Variants in SPAG16 observed in about 807,000 individuals in gnomAD.
SPAG16 encodes sperm associated antigen 16, also known as sperm-associated antigen 16 protein.
In SPAG16, 86 loss-of-function variants were observed where a neutral mutation model predicts 80.4. That is an observed-to-expected ratio of 1.07 (90% CI 0.90 to 1.28). The LOEUF is 1.28. Ranked by LOEUF, SPAG16 falls within the 50% of genes most tolerant of loss-of-function variation. The probability of loss-of-function intolerance (pLI) is 0.00; values close to 1 mark genes in which losing one functional copy is unlikely to be tolerated. For missense variants in SPAG16, 870 were observed against 765.3 expected (o/e 1.14, Z -1.61); for synonymous variants, 294 against 265.9 (o/e 1.11, Z -1.03).
At chr2:213,472,131 G>A (rs2073113910) in intron 9 of SPAG16, among the ~76,000 whole-genome samples, 1 of 152,136 alleles carries the variant, frequency 6.6e-6, no homozygotes, top group African/African-American at 2.4e-5. Context: ...AGGTGTCTCC[G>A]AAAAAGATTA....
chr2:213,805,085 T>C (rs1347362331), intron 10 of SPAG16, among the ~76,000 whole-genome samples: 1 of 152,174 alleles, frequency 6.6e-6, no homozygotes, highest in Non-Finnish European at 1.5e-5. Context: ...AAAGAGATTG[T>C]CAAATGTATT....
At chr2:214,134,334 G>A (rs1049810067) in intron 14 of SPAG16, among the ~76,000 whole-genome samples, 9 of 152,062 alleles carry the variant, frequency 5.9e-5, no homozygotes, top group African/African-American at 1.9e-4. Flanking sequence ...AAATCCATTA[G>A]GTCTTAATTC....
intron 9 of SPAG16, among the ~76,000 whole-genome samples, chr2:213,468,933 G>C (rs1194911762): frequency 1.3e-5 from 2 of 151,968 alleles, no homozygotes; most frequent in East Asian, 3.9e-4. Flanking sequence ...TGGGAGGCTA[G>C]GCCATCTGGT....
At chr2:214,111,767 T>G (rs2053676766) in intron 14 of SPAG16, among the ~76,000 whole-genome samples, 1 of 152,158 alleles carries the variant, frequency 6.6e-6, no homozygotes, top group Non-Finnish European at 1.5e-5. Context: ...CCATGGAATA[T>G]TCTTCCATTT....
chr2:214,374,958 G>GTAT lies in SPAG16; in HGVS notation c.1721-35181_1721-35179dup, dbSNP rs367854343. Among the ~76,000 whole-genome samples the GTAT allele has an allele frequency of 3.8e-3, 572 of 152,202 alleles. 1 individual carries two copies. The highest frequency in any genetic ancestry group is 0.013 in the African/African-American group (534 of 41,548). The stretch of plus-strand genomic sequence containing the variant: ...CCTCAACTATTCATCTCAGTCCTTA[G>GTAT]TATCTTGTAGAAAGATCACCGTGCT... On this transcript the variant is annotated intron_variant, in intron 15 of 15. Coordinates refer to ENST00000331683, the MANE Select transcript of SPAG16 (RefSeq NM_024532.5).
At chr2:213,873,679 G>A (rs2105996280) in intron 11 of SPAG16, among the ~76,000 whole-genome samples, 1 of 151,872 alleles carries the variant, frequency 6.6e-6, no homozygotes, top group Non-Finnish European at 1.5e-5. Context: ...TTCATATGTT[G>A]TGTTTTTGTT....
At chr2:213,500,926 G>A (rs899117079) in intron 10 of SPAG16, among the ~76,000 whole-genome samples, 1 of 152,094 alleles carries the variant, frequency 6.6e-6, no homozygotes, top group Non-Finnish European at 1.5e-5. Flanking sequence ...AACTGTGTAG[G>A]TCATGAGTAA....
chr2:213,983,555 G>T (rs984428189), intron 12 of SPAG16, among the ~76,000 whole-genome samples: 3 of 151,956 alleles, frequency 2.0e-5, no homozygotes, highest in Admixed American at 6.6e-5. Flanking sequence ...TAACATAATT[G>T]TGATGGTACT....
At chr2:213,769,270 A>T (rs1211133191) in intron 10 of SPAG16, among the ~76,000 whole-genome samples, 1 of 152,150 alleles carries the variant, frequency 6.6e-6, no homozygotes, top group Non-Finnish European at 1.5e-5. Flanking sequence ...CTCCTTTTAT[A>T]TATCAGTGAG....
In SPAG16 at chr2:213,966,349, C is replaced by T. The variant is rs530031785; in HGVS notation, c.1400+36204C>T. Among the ~76,000 whole-genome samples the T allele has an allele frequency of 1.1e-4, 16 of 152,200 alleles. No homozygotes were observed. The East Asian group carries it at 2.7e-3, about 26-fold the overall frequency. ...CCCTTTGTATAATTTTCTAACTCTACTATATAAACCAAAATTTTCAGTGAA... is the reference window on the plus strand; with the variant it reads ...CCCTTTGTATAATTTTCTAACTCTATTATATAAACCAAAATTTTCAGTGAA... On this transcript the variant is annotated intron_variant, in intron 12 of 15. Coordinates refer to ENST00000331683, the MANE Select transcript of SPAG16 (RefSeq NM_024532.5).
intron 11 of SPAG16, among the ~76,000 whole-genome samples, chr2:213,882,367 A>C (rs1365826): frequency 0.59 from 90,370 of 152,000 alleles, 28,753 homozygotes; most frequent in South Asian, 0.85. Flanking sequence ...AGGGAGCAGC[A>C]CCTGGTCCTC....
intron 9 of SPAG16, among the ~76,000 whole-genome samples, chr2:213,478,411 C>T (rs1575696672): frequency 6.6e-6 from 1 of 152,106 alleles, no homozygotes; most frequent in East Asian, 1.9e-4. Context: ...ATCAATGTAG[C>T]AGTATATGTG....
Position 213,450,483 on chromosome 2 carries a change from G to T in SPAG16, c.943-39480G>T, listed in dbSNP as rs80111289. 8.8e-3 allele frequency among the ~76,000 whole-genome samples: 1,335 copies of T among 152,218 alleles called. 20 individuals carry two copies. The highest frequency in any genetic ancestry group is 0.03 in the African/African-American group (1,245 of 41,534). On this transcript the variant is annotated intron_variant, in intron 9 of 15. Coordinates refer to ENST00000331683, the MANE Select transcript of SPAG16 (RefSeq NM_024532.5). ...CCTCCTATCTTAGCTCTTTAGGTGT[G>T]CACATATTCATCTTTACATATAAAG...
chr2:213,992,239 T>A (rs935060578), intron 12 of SPAG16, among the ~76,000 whole-genome samples: 1 of 152,178 alleles, frequency 6.6e-6, no homozygotes, highest in South Asian at 2.1e-4. Flanking sequence ...ACCAGAACCT[T>A]ACCGAGAATT....
At chr2:213,303,265 T>A (rs2062816568) in intron 3 of SPAG16, among the ~76,000 whole-genome samples, 1 of 151,994 alleles carries the variant, frequency 6.6e-6, no homozygotes, top group South Asian at 2.1e-4. Flanking sequence ...TTTTTTAATT[T>A]TTAATTTTTG....
chr2:214,108,078 A>G, intron 13 of SPAG16, 118 bp from the exon 14 acceptor site: 1 of 672,850 alleles, frequency 1.5e-6, no homozygotes, highest in Non-Finnish European at 2.5e-6. Flanking sequence ...TATGGTGAGA[A>G]TGTATTAATT....
Position 213,817,896 on chromosome 2 carries a change from G to A in SPAG16, c.1071-44589G>A, listed in dbSNP as rs76909027. Among the ~76,000 whole-genome samples, 1,406 of 152,252 alleles carry A rather than the reference G, an allele frequency of 9.2e-3. 25 individuals are homozygous for A. Among genetic ancestry groups the A allele is most frequent in the African/African-American group, 0.031 (1,280 of 41,548 alleles). On this transcript the variant is annotated intron_variant, in intron 10 of 15. Transcript: ENST00000331683. ...GCTGACTACCTGGGTGGTGTGATCAGTTGTACCCTGATCCTCAGCATCACA... is the reference window on the plus strand; with the variant it reads ...GCTGACTACCTGGGTGGTGTGATCAATTGTACCCTGATCCTCAGCATCACA...
intron 10 of SPAG16, among the ~76,000 whole-genome samples, chr2:213,809,059 G>A (rs1216421913): frequency 6.6e-6 from 1 of 152,202 alleles, no homozygotes; most frequent in Non-Finnish European, 1.5e-5. Context: ...CATGCCAGGA[G>A]CAGGGCATCT....
At chr2:214,015,076 A>C (rs892870781) in intron 13 of SPAG16, among the ~76,000 whole-genome samples, 2 of 152,190 alleles carry the variant, frequency 1.3e-5, no homozygotes, top group South Asian at 2.1e-4. Context: ...GTATACATTC[A>C]TGCCCCTTCA....
Sources: gnomAD v4.1 joint callset for allele counts (sites outside exome capture counted in the v4.1 genomes callset) on GRCh38, gnomAD v4.1.1 for gene constraint, MANE v1.5 for transcripts, NCBI Gene and HGNC (gene_info 2026-07-23, HGNC 2026-07-21) for gene names.